PRR11: variants seen among roughly 807,000 people sequenced by gnomAD.
The protein encoded by PRR11 is proline-rich protein 11.
Under a neutral mutation model 45.6 loss-of-function variants are expected in PRR11, and 30 were observed. The ratio of observed to expected loss-of-function variants is 0.66; its 90% CI spans 0.49 to 0.89. PRR11 has a LOEUF of 0.89. PRR11 is among the 40% of genes least tolerant of loss of function. The pLI, the probability that PRR11 is intolerant of heterozygous loss-of-function variation, is 0.00. For missense variants in PRR11, 373 were observed against 424.8 expected (o/e 0.88, Z 1.07); for synonymous variants, 128 against 153.5 (o/e 0.83, Z 1.23).
intron 9 of PRR11, 101 bp downstream of exon 9, chr17:59,197,890 T>G: frequency 7.1e-6 from 7 of 991,824 alleles, no homozygotes; most frequent in Non-Finnish European, 1.1e-5. Context: ...GAGGCTGAGG[T>G]GGGGAGATTG....
rs145677051 is a variant in PRR11 at position 59,193,572 on chromosome 17, C to T, written c.483C>T (p.Cys161=). Residue 161 remains cysteine (C), a synonymous_variant, in exon 5 of 10, where the codon TGC becomes TGT. Coordinates refer to ENST00000262293, the MANE Select transcript of PRR11 (RefSeq NM_018304.4). ...GTAAACTTACAAATGTGCCTGCCTG[C>T]GTTCTGATCACCCCTGGAGACTCCA... is the stretch of plus-strand genomic sequence containing the variant. The part of the protein sequence containing the change: ...MSGKLTNVPA[C]VLITPGDSKA... The T allele has an allele frequency of 1.9e-6, 3 of 1,614,156 alleles. No individual in the cohort carries two copies. The highest frequency in any genetic ancestry group is 2.2e-5 in the East Asian group (1 of 44,892).
chr17:59,172,252 G>A (rs2046712992), intron 2 of PRR11, among the ~76,000 whole-genome samples: 1 of 152,340 alleles, frequency 6.6e-6, no homozygotes, highest in African/African-American at 2.4e-5. Context: ...GCCCCAGGGA[G>A]GTTGGAATTC....
intron 9 of PRR11, among the ~76,000 whole-genome samples, chr17:59,200,641 C>T (rs1420626920): frequency 5.3e-5 from 8 of 151,980 alleles, no homozygotes; most frequent in South Asian, 2.1e-4. Context: ...TACAGGCGCC[C>T]GCCACCACGC....
At chr17:59,201,501 G>A (rs1038496563) in intron 9 of PRR11, 62 bp from the exon 10 acceptor site, 2 of 1,533,304 alleles carry the variant, frequency 1.3e-6, no homozygotes, top group African/African-American at 1.4e-5. Context: ...GTTGAGAAAG[G>A]AGAGTTGTAC....
intron 4 of PRR11, among the ~76,000 whole-genome samples, chr17:59,189,436 C>G (rs957272066): frequency 6.6e-6 from 1 of 152,116 alleles, no homozygotes; most frequent in Non-Finnish European, 1.5e-5. Flanking sequence ...TGGGTTCAAG[C>G]AGTTCTTCTG....
intron 4 of PRR11, among the ~76,000 whole-genome samples, chr17:59,189,335 AT>A (rs141713242): frequency 0.18 from 27,400 of 151,342 alleles, 2,564 homozygotes; most frequent in East Asian, 0.27. Context: ...AAATAGAATA[AT>A]TTTTTTTGTT....
chr17:59,181,709 A>G, intron 2 of PRR11: 2 of 1,553,946 alleles, frequency 1.3e-6, no homozygotes, highest in Non-Finnish European at 1.7e-6. Flanking sequence ...CTTTTCCAGC[A>G]AAGGGACCTA....
At chr17:59,179,883 A>C in intron 2 of PRR11, 1 of 1,339,162 alleles carries the variant, frequency 7.5e-7, no homozygotes, top group Non-Finnish European at 1.0e-6. Flanking sequence ...CCAGGGGCTG[A>C]GTAAAGAAAC....
At chr17:59,186,028 T>A (rs1273358293) in intron 4 of PRR11, among the ~76,000 whole-genome samples, 3 of 152,208 alleles carry the variant, frequency 2.0e-5, no homozygotes, top group African/African-American at 7.2e-5. Context: ...GAGCCATCCA[T>A]AAAACTTATC....
At chr17:59,181,577 TC>T (rs1392664410) in intron 2 of PRR11, 1 of 1,324,090 alleles carries the variant, frequency 7.6e-7, no homozygotes, top group African/African-American at 1.5e-5. Context: ...TGCTTCAGCT[TC>T]AGCTTCATTT....
At chr17:59,187,239 AAAAT>A (rs1321250588) in intron 4 of PRR11, among the ~76,000 whole-genome samples, 7 of 152,038 alleles carry the variant, frequency 4.6e-5, no homozygotes, top group East Asian at 3.9e-4. Flanking sequence ...AAAATAAAAT[AAAAT>A]AAATAAATAC....
In PRR11 at chr17:59,173,924, T is replaced by C. The variant is rs563263254; in HGVS notation, c.128+4044T>C. 6.4e-4 allele frequency among the ~76,000 whole-genome samples: 98 copies of C among 152,296 alleles called. 3 individuals are homozygous for C. In the South Asian group the frequency reaches 0.02, roughly 31 times the overall value. On this transcript the variant is annotated intron_variant, in intron 2 of 9. Coordinates refer to ENST00000262293, the MANE Select transcript of PRR11 (RefSeq NM_018304.4). ...TCCCCTGGATCCGGTGTTCTGGAAGTGAGAGAGAGGATGTCATACTTAAAG... is the reference window on the plus strand; with the variant it reads ...TCCCCTGGATCCGGTGTTCTGGAAGCGAGAGAGAGGATGTCATACTTAAAG...
In PRR11 at chr17:59,188,942, AAATAATAAT is replaced by A. The variant is rs56917280; in HGVS notation, c.402+3406_402+3414del. On this transcript the variant is annotated intron_variant, in intron 4 of 9. Coordinates refer to ENST00000262293, the MANE Select transcript of PRR11 (RefSeq NM_018304.4). Reference sequence around the variant, plus strand: ...GCAACAGAGCATGACTGTGTCTCAAAAATAATAATAATAATAATAATAATAATAATAATA... The same window carrying A: ...GCAACAGAGCATGACTGTGTCTCAAAAATAATAATAATAATAATAATAATA... Among the ~76,000 whole-genome samples the A allele has an allele frequency of 1.2e-3, 174 of 144,334 alleles. 2 individuals carry two copies. Among genetic ancestry groups the A allele is most frequent in the Middle Eastern group, 3.6e-3 (1 of 278 alleles). The allele number at this position is 144,334 out of a possible 152,430, so 94.7% of individuals were successfully genotyped here.
At chr17:59,172,279 A>G (rs1294685592) in intron 2 of PRR11, among the ~76,000 whole-genome samples, 1 of 152,212 alleles carries the variant, frequency 6.6e-6, no homozygotes, top group African/African-American at 2.4e-5. Context: ...ATAAAAATAG[A>G]GGTGGTGGTG....
At chr17:59,196,794 A>G (rs1599708194) in intron 7 of PRR11, among the ~76,000 whole-genome samples, 1 of 152,304 alleles carries the variant, frequency 6.6e-6, no homozygotes, top group Admixed American at 6.5e-5. Flanking sequence ...TGGGTCAAGA[A>G]GTATTACATA....
intron 2 of PRR11, among the ~76,000 whole-genome samples, chr17:59,174,469 G>A (rs1010112907): frequency 6.6e-6 from 1 of 152,030 alleles, no homozygotes; most frequent in Non-Finnish European, 1.5e-5. Context: ...GAACCTCCCC[G>A]AACTCAGTAT....
At chr17:59,197,851 G>C in intron 9 of PRR11, 62 bp downstream of exon 9, 6 of 1,430,040 alleles carry the variant, frequency 4.2e-6, no homozygotes, top group Non-Finnish European at 5.9e-6. Flanking sequence ...CTGGTGTGGT[G>C]GCTCATGACT....
At chr17:59,177,280 A>AG (rs1236332289) in intron 2 of PRR11, 10 of 545,608 alleles carry the variant, frequency 1.8e-5, no homozygotes, top group Admixed American at 9.6e-5. Context: ...GAACACAGAA[A>AG]GGGAGAGGTC....
At chr17:59,191,410 G>A (rs1439162729) in intron 4 of PRR11, among the ~76,000 whole-genome samples, 2 of 151,844 alleles carry the variant, frequency 1.3e-5, no homozygotes, top group African/African-American at 4.8e-5. Context: ...GTAGAGATGA[G>A]GTTTCACTGT....
Sources: gnomAD v4.1 joint callset for allele counts (sites outside exome capture counted in the v4.1 genomes callset) on GRCh38, gnomAD v4.1.1 for gene constraint, MANE v1.5 for transcripts, NCBI Gene and HGNC (gene_info 2026-07-23, HGNC 2026-07-21) for gene names.